The following GPBP1L1 variants were observed in gnomAD, a reference collection of about 807,000 sequenced individuals.
GPBP1L1 encodes vasculin-like protein 1.
GPBP1L1 carries 23 observed loss-of-function variants against 52.5 expected under a neutral mutation model. The ratio of observed to expected loss-of-function variants is 0.44; its 90% confidence interval spans 0.32 to 0.62. The LOEUF is 0.62. Ranked by LOEUF, GPBP1L1 falls within the 20% of genes least tolerant of loss-of-function variation. GPBP1L1 has a pLI of 0.06. For missense variants in GPBP1L1, 596 were observed against 579.3 expected (o/e 1.03, Z -0.30); for synonymous variants, 243 against 203.1 (o/e 1.20, Z -1.67).
intron 8 of GPBP1L1, among the ~76,000 whole-genome samples, chr1:45,638,073 T>C (rs1644619133): frequency 6.6e-6 from 1 of 152,240 alleles, no homozygotes; most frequent in Non-Finnish European, 1.5e-5. Context: ...ATTCACATTC[T>C]TTCCCTTCTA....
chr1:45,656,365 C>A (rs1166859440), intron 4 of GPBP1L1, among the ~76,000 whole-genome samples: 1 of 152,136 alleles, frequency 6.6e-6, no homozygotes, highest in Non-Finnish European at 1.5e-5. Context: ...ACAAGGAAAA[C>A]CGTAAATCGG....
At chr1:45,681,404 A>G (rs566852037) in intron 2 of GPBP1L1, among the ~76,000 whole-genome samples, 1 of 152,352 alleles carries the variant, frequency 6.6e-6, no homozygotes, top group Non-Finnish European at 1.5e-5. Flanking sequence ...GGTTTCTTCA[A>G]CAAAGTACAA....
chr1:45,640,461 G>A (rs1213673769), intron 7 of GPBP1L1, 58 bp from the exon 8 acceptor site: 2 of 1,422,384 alleles, frequency 1.4e-6, no homozygotes, highest in African/African-American at 1.4e-5. Flanking sequence ...GTAACATGAA[G>A]CATAGTTTAT....
In GPBP1L1 at chr1:45,639,991, G is replaced by A. The variant is rs1416987050; in HGVS notation, c.744+219C>T. On this transcript the variant is annotated intron_variant, in intron 8 of 12. Coordinates refer to ENST00000355105, the MANE Select transcript of GPBP1L1 (RefSeq NM_021639.5). The stretch of plus-strand genomic sequence containing the variant: ...GCTGAGGTCACACTGAGCCATGATT[G>A]TGCCACTGCATTCCAGCCTGGGTGA... Among the ~76,000 whole-genome samples, 3 of 151,866 alleles carry A rather than the reference G, an allele frequency of 2.0e-5. No homozygotes were observed. The East Asian group carries it at 5.8e-4, about 29-fold the overall frequency.
intron 6 of GPBP1L1, among the ~76,000 whole-genome samples, chr1:45,647,803 C>G (rs1189544356): frequency 6.6e-6 from 1 of 152,210 alleles, no homozygotes; most frequent in Non-Finnish European, 1.5e-5. Flanking sequence ...TGAGCCACAA[C>G]TGAGCCCTTT....
intron 6 of GPBP1L1, among the ~76,000 whole-genome samples, 176 bp from the exon 7 acceptor site, chr1:45,642,675 A>G (rs1644689192): frequency 2.0e-5 from 3 of 152,206 alleles, no homozygotes; most frequent in Non-Finnish European, 4.4e-5. Flanking sequence ...CAAAACACAA[A>G]ATCAATAGGT....
rs1644932315 is a variant in GPBP1L1 at position 45,660,190 on chromosome 1, G to A, written c.-62C>T. The stretch of plus-strand genomic sequence containing the variant: ...ACATATGGAGAATATTTACCCCAGA[G>A]TGTAACCTCTGTGGTCCTGTTTCTG... On this transcript the variant is annotated 5_prime_UTR_variant, in exon 3 of 13. Coordinates refer to ENST00000355105, the MANE Select transcript of GPBP1L1 (RefSeq NM_021639.5). The A allele has an allele frequency of 1.0e-6, 1 of 985,318 alleles. No homozygotes were observed. Among genetic ancestry groups the A allele is most frequent in the Non-Finnish European group, 1.2e-6 (1 of 829,876 alleles). 61.0% of individuals were successfully genotyped at this position (985,318 alleles called of 1,614,324 possible).
intron 6 of GPBP1L1, 67 bp from the exon 7 acceptor site, chr1:45,642,566 G>A: frequency 8.7e-7 from 1 of 1,145,806 alleles, no homozygotes; most frequent in South Asian, 1.2e-5. Context: ...TCACAAAGTA[G>A]CCATCACCAT....
At chr1:45,646,131 G>GT (rs1177632690) in intron 6 of GPBP1L1, 1 of 400,184 alleles carries the variant, frequency 2.5e-6, no homozygotes, top group Admixed American at 3.2e-5. Flanking sequence ...AAGAACCGGC[G>GT]TTTCCCTCTC....
intron 6 of GPBP1L1, 112 bp downstream of exon 6, chr1:45,654,431 C>T (rs915102759): frequency 2.4e-5 from 26 of 1,100,334 alleles, no homozygotes; most frequent in Non-Finnish European, 3.3e-5. Flanking sequence ...AAAACCTCAA[C>T]TTACAAATTC....
At chr1:45,640,482 T>G in intron 7 of GPBP1L1, 79 bp from the exon 8 acceptor site, 3 of 1,155,980 alleles carry the variant, frequency 2.6e-6, no homozygotes, top group Non-Finnish European at 3.9e-6. Flanking sequence ...ACAAAGGCCT[T>G]AGTCAACAAA....
chr1:45,638,229 C>T (rs534904001), intron 8 of GPBP1L1, among the ~76,000 whole-genome samples: 1 of 152,312 alleles, frequency 6.6e-6, no homozygotes, highest in South Asian at 2.1e-4. Context: ...CTTCCAGTGG[C>T]TTCTTCCAAC....
At chr1:45,664,107 C>T (rs12081175) in intron 2 of GPBP1L1, among the ~76,000 whole-genome samples, 43,018 of 151,832 alleles carry the variant, frequency 0.28, 6,219 homozygotes, top group South Asian at 0.36. Context: ...CCGAGGTGGG[C>T]GGATCACGAG....
chr1:45,658,938 T>A (rs1644914670), intron 4 of GPBP1L1, 90 bp downstream of exon 4: 1 of 867,598 alleles, frequency 1.2e-6, no homozygotes, highest in Non-Finnish European at 2.0e-6. Flanking sequence ...GGAGACCCTG[T>A]CTCAAAACAA....
At chr1:45,672,100 T>C (rs1171984198) in intron 2 of GPBP1L1, among the ~76,000 whole-genome samples, 6 of 152,128 alleles carry the variant, frequency 3.9e-5, no homozygotes, top group Non-Finnish European at 7.3e-5. Flanking sequence ...CGGTGGCTCA[T>C]GCCTGTAATC....
intron 4 of GPBP1L1, chr1:45,655,689 A>C (rs2148472815): frequency 6.1e-6 from 1 of 162,794 alleles, no homozygotes; most frequent in East Asian, 1.8e-4. Context: ...CCTCAAAAAT[A>C]ATTCTAAAGT....
At chr1:45,673,893 A>G (rs552444660) in intron 2 of GPBP1L1, among the ~76,000 whole-genome samples, 3 of 152,252 alleles carry the variant, frequency 2.0e-5, no homozygotes, top group African/African-American at 7.2e-5. Flanking sequence ...TTTCTACAAC[A>G]AAGAACCCTA....
rs149923276 is a variant in GPBP1L1, at chr1:45,678,583, A to C, written c.-1098+6993T>G. Among the ~76,000 whole-genome samples the C allele has an allele frequency of 5.0e-3, 766 of 152,310 alleles. 2 individuals are homozygous for C. Among genetic ancestry groups the C allele is most frequent in the Admixed American group, 8.6e-3 (132 of 15,302 alleles). On this transcript the variant is annotated intron_variant, in intron 2 of 12. Coordinates refer to ENST00000355105, the MANE Select transcript of GPBP1L1 (RefSeq NM_021639.5). ...TATAAACTTTAGAGAAAAATACAGG[A>C]ATTAAAAAAAGAACAAGCTAAATAA...
chr1:45,678,597 C>G (rs748786840), intron 2 of GPBP1L1, among the ~76,000 whole-genome samples: 1 of 152,018 alleles, frequency 6.6e-6, no homozygotes, highest in South Asian at 2.1e-4. Flanking sequence ...AAAAAAAGAA[C>G]AAGCTAAATA....
Sources: gnomAD v4.1 joint callset for allele counts (sites outside exome capture counted in the v4.1 genomes callset) on GRCh38, gnomAD v4.1.1 for gene constraint, MANE v1.5 for transcripts, NCBI Gene and HGNC (gene_info 2026-07-23, HGNC 2026-07-21) for gene names.